Variants in RPTOR observed in about 807,000 individuals in gnomAD.
RPTOR encodes regulatory associated protein of MTOR complex 1, also known as regulatory-associated protein of mTOR.
RPTOR carries 21 observed loss-of-function variants against 169.9 expected under a neutral mutation model. That is an observed-to-expected ratio of 0.12 (90% CI 0.09 to 0.18). The LOEUF is 0.18. Among genes scored for constraint, RPTOR ranks in the 10% least tolerant of loss-of-function variants. The pLI is 1.00. For missense variants in RPTOR, 1,133 were observed against 1,855.9 expected (o/e 0.61, Z 7.16); for synonymous variants, 732 against 753.2 (o/e 0.97, Z 0.46).
chr17:80,898,313 T>C (rs541582447), intron 20 of RPTOR, among the ~76,000 whole-genome samples: 53 of 152,362 alleles, frequency 3.5e-4, no homozygotes, highest in Non-Finnish European at 1.3e-4. Context: ...ATTCCCAATC[T>C]GCTGCCTCTT....
chr17:80,857,427 G>A (rs542589324), intron 12 of RPTOR, among the ~76,000 whole-genome samples: 14 of 152,344 alleles, frequency 9.2e-5, no homozygotes, highest in South Asian at 2.1e-4. Flanking sequence ...GCCGTGGCTC[G>A]TACGTGAGCA....
chr17:80,775,321 G>A (rs538160397), intron 6 of RPTOR, among the ~76,000 whole-genome samples: 27 of 152,170 alleles, frequency 1.8e-4, no homozygotes, highest in Non-Finnish European at 4.4e-5. Context: ...ATGTTGCCCA[G>A]GATAGTCTCA....
At chr17:80,652,784 T>C (rs2065651010) in intron 3 of RPTOR, among the ~76,000 whole-genome samples, 1 of 152,240 alleles carries the variant, frequency 6.6e-6, no homozygotes, top group African/African-American at 2.4e-5. Context: ...GGTGACCCTG[T>C]ATTTTACCTC....
chr17:80,627,329 T>C (rs916714406), intron 2 of RPTOR, among the ~76,000 whole-genome samples: 5 of 152,182 alleles, frequency 3.3e-5, no homozygotes, highest in Non-Finnish European at 5.9e-5. Flanking sequence ...CAAGATACAA[T>C]TTATATACAG....
rs906289183 is a variant in RPTOR, at chr17:80,959,209, C to T, written c.3478-869C>T. 1.3e-5 allele frequency among the ~76,000 whole-genome samples: 2 copies of T among 152,248 alleles called. No individual in the cohort carries two copies. The highest frequency in any genetic ancestry group is 2.9e-5 in the Non-Finnish European group (2 of 68,042). ...CTCGAGGCACCAGCAGCTTTCATGGCACCTTCTTTGGGGTGGGGGGGTCTT... is the reference window on the plus strand; with the variant it reads ...CTCGAGGCACCAGCAGCTTTCATGGTACCTTCTTTGGGGTGGGGGGGTCTT... On this transcript the variant is annotated intron_variant, in intron 29 of 33. Coordinates refer to ENST00000306801, the MANE Select transcript of RPTOR (RefSeq NM_020761.3). The surrounding 1 kb of genome is among the most constrained non-coding windows in gnomAD (Gnocchi z 6.7).
At chr17:80,725,947 C>T (rs1567876900) in intron 4 of RPTOR, among the ~76,000 whole-genome samples, 1 of 152,238 alleles carries the variant, frequency 6.6e-6, no homozygotes. Flanking sequence ...TCAGGGGACA[C>T]TGGGACATTT....
chr17:80,955,590 T>A (rs866623092), intron 28 of RPTOR, among the ~76,000 whole-genome samples: 2 of 152,052 alleles, frequency 1.3e-5, no homozygotes, highest in African/African-American at 4.8e-5. Flanking sequence ...AATGTCACGG[T>A]TGTAATGTAA....
rs888453748 is a variant in RPTOR, at chr17:80,965,678, C to T, written c.*1348C>T. 8.6e-6 allele frequency: 2 copies of T among 233,110 alleles called. No homozygotes were observed. The highest frequency in any genetic ancestry group is 5.6e-5 in the Admixed American group (1 of 17,770). 14.4% of individuals were successfully genotyped at this position (233,110 alleles called of 1,614,324 possible). On this transcript the variant is annotated 3_prime_UTR_variant, in exon 34 of 34. Transcript: ENST00000306801. Reference sequence around the variant, plus strand: ...CTCCTGCGGTGTGGCTGGTGGCCTGCCGTGGCCAAGAGCATCTTCTGGGTG... The same window carrying T: ...CTCCTGCGGTGTGGCTGGTGGCCTGTCGTGGCCAAGAGCATCTTCTGGGTG...
intron 6 of RPTOR, chr17:80,773,735 G>C: frequency 2.1e-6 from 2 of 969,748 alleles, no homozygotes; most frequent in Non-Finnish European, 2.5e-6. Context: ...CAGGCGCTTG[G>C]GCAGGCTGGT....
chr17:80,870,407 A>G (rs1293288995), intron 13 of RPTOR, among the ~76,000 whole-genome samples: 1 of 152,156 alleles, frequency 6.6e-6, no homozygotes. Flanking sequence ...CCCGTGCTCA[A>G]ATTCTCTACT....
chr17:80,849,222 A>T lies in RPTOR; in HGVS notation c.1314+2648A>T, dbSNP rs116683872. On this transcript the variant is annotated intron_variant, in intron 11 of 33. Transcript: ENST00000306801. ...TTAAATTATTCTCTAGTGCCTTGGC[A>T]AGTCAGAAAACATCACTTAAGGGAA... 3.2e-3 allele frequency among the ~76,000 whole-genome samples: 493 copies of T among 152,316 alleles called. 2 individuals carry two copies. Among genetic ancestry groups the T allele is most frequent in the Middle Eastern group, 0.014 (4 of 294 alleles).
At chr17:80,963,898 C>T (rs1405436817) in intron 33 of RPTOR, among the ~76,000 whole-genome samples, 1 of 152,216 alleles carries the variant, frequency 6.6e-6, no homozygotes, top group African/African-American at 2.4e-5. Flanking sequence ...AGCCTCCCCA[C>T]GTGGCTTCAG....
At chr17:80,586,725 C>T (rs1043276721) in intron 1 of RPTOR, among the ~76,000 whole-genome samples, 3 of 152,196 alleles carry the variant, frequency 2.0e-5, no homozygotes, top group South Asian at 4.1e-4. Flanking sequence ...CGCCGGTGTC[C>T]GTTCCTTCTA....
At chr17:80,674,137 T>A (rs915213085) in intron 3 of RPTOR, among the ~76,000 whole-genome samples, 2 of 152,250 alleles carry the variant, frequency 1.3e-5, no homozygotes, top group African/African-American at 4.8e-5. Flanking sequence ...TGCTTCAATT[T>A]TAGCGGAATT....
In RPTOR at chr17:80,545,914, C is replaced by G. The variant is rs565051476; in HGVS notation, c.162+123C>G. ...CCCCTAGCCACACGTTGTAAGTCAA[C>G]TAGAAAGCAAAAGCCATTTCAGACT... On this transcript the variant is annotated intron_variant, in intron 1 of 33. Coordinates refer to ENST00000306801, the MANE Select transcript of RPTOR (RefSeq NM_020761.3). 1.7e-5 allele frequency: 14 copies of G among 830,502 alleles called. No individual in the cohort carries two copies. In the African/African-American group the frequency reaches 1.9e-4, roughly 11 times the overall value. The allele number at this position is 830,502 out of a possible 1,614,324, so 51.4% of individuals were successfully genotyped here.
In RPTOR at chr17:80,964,527, G is replaced by A. The variant is rs1234373173; in HGVS notation, c.*197G>A. ...TGTCGTGTCTGGAATGTCAGGGAAG[G>A]GGAGGGCTCGGGTTGACGGTGGCTT... On this transcript the variant is annotated 3_prime_UTR_variant, in exon 34 of 34. Coordinates refer to ENST00000306801, the MANE Select transcript of RPTOR (RefSeq NM_020761.3). The A allele has an allele frequency of 3.3e-5, 20 of 609,918 alleles. 1 individual carries two copies. In the Admixed American group the frequency reaches 5.0e-4, roughly 15 times the overall value. The allele number at this position is 609,918 out of a possible 1,614,324, so 37.8% of individuals were successfully genotyped here. A position where few individuals can be genotyped will look rare whatever the true frequency, so the allele number is the denominator to read the frequency against.
chr17:80,900,213 C>G (rs892651132), intron 20 of RPTOR, among the ~76,000 whole-genome samples: 16 of 152,126 alleles, frequency 1.1e-4, no homozygotes, highest in Admixed American at 8.5e-4. Context: ...CTGTGGCCGT[C>G]TCCTCCCCGC....
chr17:80,898,900 C>G (rs1248876054), intron 20 of RPTOR, among the ~76,000 whole-genome samples: 1 of 151,974 alleles, frequency 6.6e-6, no homozygotes, highest in Non-Finnish European at 1.5e-5. Context: ...CCCAAAGACC[C>G]GAAACAGACG....
At chr17:80,962,360 A>G in intron 31 of RPTOR, 101 bp from the exon 32 acceptor site, 1 of 908,914 alleles carries the variant, frequency 1.1e-6, no homozygotes, top group Non-Finnish European at 1.8e-6. Flanking sequence ...GTGTGTGTGC[A>G]AACAGGTGTG....
Sources: gnomAD v4.1 joint callset for allele counts (sites outside exome capture counted in the v4.1 genomes callset) on GRCh38, gnomAD v4.1.1 for gene constraint, Gnocchi (gnomAD v3.1) non-coding constraint, MANE v1.5 for transcripts, NCBI Gene and HGNC (gene_info 2026-07-23, HGNC 2026-07-21) for gene names.